LHFPL3: variants seen among roughly 807,000 people sequenced by gnomAD.
LHFPL3 encodes the protein LHFPL tetraspan subfamily member 3 protein.
In LHFPL3, 5 loss-of-function variants were observed where a neutral mutation model predicts 19.3. The observed-to-expected ratio is 0.26, with a 90% CI of 0.14 to 0.54. The LOEUF is 0.54. LHFPL3 is among the 20% of genes least tolerant of loss of function. The pLI, the probability that LHFPL3 is intolerant of heterozygous loss-of-function variation, is 0.94. For synonymous variants in LHFPL3, 133 were observed against 126.2 expected (o/e 1.05, Z -0.36); for missense variants, 249 against 307.4 (o/e 0.81, Z 1.42).
chr7:104,352,704 G>T (rs776822032), intron 1 of LHFPL3, among the ~76,000 whole-genome samples: 2 of 152,222 alleles, frequency 1.3e-5, no homozygotes, highest in Non-Finnish European at 2.9e-5. Flanking sequence ...AGATCTCAAC[G>T]CAGAGAACAA....
At chr7:104,670,796 C>T (rs1288825938) in intron 1 of LHFPL3, among the ~76,000 whole-genome samples, 2 of 151,724 alleles carry the variant, frequency 1.3e-5, no homozygotes, top group African/African-American at 4.8e-5. Flanking sequence ...CCCAAGTTTC[C>T]TTCTCCACTG....
chr7:104,828,824 C>A (rs1333051702), intron 2 of LHFPL3, among the ~76,000 whole-genome samples: 1 of 151,848 alleles, frequency 6.6e-6, no homozygotes, highest in African/African-American at 2.4e-5. Flanking sequence ...CACTTGAGGT[C>A]AGGAGTTCGA....
intron 1 of LHFPL3, among the ~76,000 whole-genome samples, chr7:104,578,035 A>G (rs11761854): frequency 0.11 from 17,235 of 152,202 alleles, 1,948 homozygotes; most frequent in African/African-American, 0.29. Flanking sequence ...GGATGTCAGG[A>G]AGAATGGTAT....
intron 2 of LHFPL3, among the ~76,000 whole-genome samples, chr7:104,897,162 T>C (rs1792380432): frequency 6.6e-6 from 1 of 152,186 alleles, no homozygotes; most frequent in Non-Finnish European, 1.5e-5. Flanking sequence ...ATTCTAAAAT[T>C]CTATTTAGCA....
intron 1 of LHFPL3, among the ~76,000 whole-genome samples, chr7:104,608,573 C>T (rs1791151215): frequency 6.6e-6 from 1 of 151,528 alleles, no homozygotes; most frequent in South Asian, 2.1e-4. Context: ...GTGCAGTACA[C>T]CAACATGGCA....
chr7:104,728,609 C>A (rs1793632338), intron 1 of LHFPL3, among the ~76,000 whole-genome samples: 1 of 152,166 alleles, frequency 6.6e-6, no homozygotes. Flanking sequence ...GTTGCCCCCT[C>A]AAGAGGCCTT....
chr7:104,761,506 G>T (rs1160387960), intron 2 of LHFPL3, among the ~76,000 whole-genome samples: 1 of 152,184 alleles, frequency 6.6e-6, no homozygotes, highest in East Asian at 1.9e-4. Context: ...CCTGTCGTTT[G>T]CCCTCAGTCA....
At chr7:104,819,174 A>T (rs181811194) in intron 2 of LHFPL3, among the ~76,000 whole-genome samples, 61 of 152,288 alleles carry the variant, frequency 4.0e-4, no homozygotes, top group Admixed American at 1.1e-3. Flanking sequence ...CTTTAAAAAA[A>T]ATATATTAAA....
rs146081844 is a variant in LHFPL3 at position 104,473,754 on chromosome 7, A to T, written c.445+144530A>T. ...TAAAGCATTTAGAATAGTGCCTTGCACATAGAAAGCACTAAGTAAATAGAG... is the reference window on the plus strand; with the variant it reads ...TAAAGCATTTAGAATAGTGCCTTGCTCATAGAAAGCACTAAGTAAATAGAG... On this transcript the variant is annotated intron_variant, in intron 1 of 2. Coordinates refer to ENST00000424859, the MANE Select transcript of LHFPL3 (RefSeq NM_199000.3). Among the ~76,000 whole-genome samples, 5 of 152,376 alleles carry T rather than the reference A, an allele frequency of 3.3e-5. No homozygotes were observed. The East Asian group carries it at 9.6e-4, about 29-fold the overall frequency.
intron 1 of LHFPL3, among the ~76,000 whole-genome samples, chr7:104,616,056 T>C (rs987655243): frequency 6.6e-6 from 1 of 152,106 alleles, no homozygotes; most frequent in South Asian, 2.1e-4. Context: ...AAAATGGCCA[T>C]ACTGCCCAAA....
At chr7:104,705,583 T>A (rs1284150624) in intron 1 of LHFPL3, among the ~76,000 whole-genome samples, 1 of 152,234 alleles carries the variant, frequency 6.6e-6, no homozygotes, top group Non-Finnish European at 1.5e-5. Context: ...TACCTTCTCT[T>A]GGATCTCTGA....
rs200741775 is a variant in LHFPL3, at chr7:104,752,539, T to G, written c.682+15628T>G. ...CTAAAGTTCCTTGTTCTGGAAACCA[T>G]GGGCAAAATTGTTCTATTATTTGAA... On this transcript the variant is annotated intron_variant, in intron 2 of 2. Transcript: ENST00000424859. Among the ~76,000 whole-genome samples the G allele has an allele frequency of 4.5e-3, 662 of 146,810 alleles. 30 individuals are homozygous for G. In the East Asian group the frequency reaches 0.1, roughly 22 times the overall value.
intron 2 of LHFPL3, among the ~76,000 whole-genome samples, chr7:104,819,389 A>C (rs1300283403): frequency 1.3e-5 from 2 of 151,888 alleles, no homozygotes; most frequent in South Asian, 2.1e-4. Flanking sequence ...AAAAAAAAAA[A>C]AAAAAACCTG....
Position 104,496,190 on chromosome 7 carries a change from A to G in LHFPL3, c.445+166966A>G, listed in dbSNP as rs551890896. On this transcript the variant is annotated intron_variant, in intron 1 of 2. Coordinates refer to ENST00000424859, the MANE Select transcript of LHFPL3 (RefSeq NM_199000.3). The stretch of plus-strand genomic sequence containing the variant: ...TGTGTCCATGCGTTCTCGTTGTTCA[A>G]TTCCCACCTATGAGTGAGAATATGC... 1.5e-4 allele frequency among the ~76,000 whole-genome samples: 23 copies of G among 152,224 alleles called. No homozygotes were observed. In the East Asian group the frequency reaches 1.9e-3, roughly 13 times the overall value.
intron 1 of LHFPL3, among the ~76,000 whole-genome samples, chr7:104,394,158 T>G (rs74539071): frequency 1.3e-5 from 2 of 152,264 alleles, no homozygotes; most frequent in East Asian, 3.8e-4. Flanking sequence ...TTGGCAAGAC[T>G]GAAAGACTAC....
At chr7:104,798,906 A>G (rs1790187762) in intron 2 of LHFPL3, among the ~76,000 whole-genome samples, 1 of 152,216 alleles carries the variant, frequency 6.6e-6, no homozygotes, top group Admixed American at 6.5e-5. Context: ...AACTACCACA[A>G]CAGAAATGAA....
intron 1 of LHFPL3, among the ~76,000 whole-genome samples, chr7:104,633,206 T>G (rs1791675370): frequency 6.6e-6 from 1 of 152,220 alleles, no homozygotes; most frequent in South Asian, 2.1e-4. Context: ...CAATGTCAGA[T>G]AGCCTTTGGA....
chr7:104,407,013 C>G (rs1364499938), intron 1 of LHFPL3, among the ~76,000 whole-genome samples: 1 of 152,162 alleles, frequency 6.6e-6, no homozygotes, highest in Non-Finnish European at 1.5e-5. Flanking sequence ...ATTTGGGGCA[C>G]CACAGGGGAC....
chr7:104,367,429 T>C (rs1313640225), intron 1 of LHFPL3, among the ~76,000 whole-genome samples: 2 of 152,206 alleles, frequency 1.3e-5, no homozygotes, highest in Non-Finnish European at 2.9e-5. Context: ...GACTAGAGAA[T>C]TGTTATGTTG....
Sources: allele counts gnomAD v4.1 joint callset (sites outside exome capture counted in the v4.1 genomes callset), GRCh38; gene constraint gnomAD v4.1.1; transcripts MANE v1.5; gene names NCBI Gene and HGNC (gene_info 2026-07-23, HGNC 2026-07-21).